Variants in GOLM2 observed in about 807,000 individuals in gnomAD.
GOLM2 encodes the protein protein GOLM2.
GOLM2 carries 26 observed loss-of-function variants against 55.9 expected under a neutral mutation model. The observed-to-expected ratio is 0.47, with a 90% confidence interval of 0.34 to 0.65. GOLM2 has a LOEUF of 0.65. Ranked by LOEUF, GOLM2 falls within the 30% of genes least tolerant of loss-of-function variation. GOLM2 has a pLI of 0.01. For synonymous variants in GOLM2, 165 were observed against 194.6 expected, an observed-to-expected ratio of 0.85 and a Z score of 1.27; for missense variants, 486 against 531.8, an observed-to-expected ratio of 0.91 and a Z score of 0.85.
At chr15:44,314,635 T>C (rs1443185667) in intron 1 of GOLM2, among the ~76,000 whole-genome samples, 1 of 152,114 alleles carries the variant, frequency 6.6e-6, no homozygotes, top group Non-Finnish European at 1.5e-5. Context: ...CAGTAATTCA[T>C]TAACAGATAA....
intron 1 of GOLM2, among the ~76,000 whole-genome samples, chr15:44,305,037 T>A (rs1055038491): frequency 6.6e-6 from 1 of 152,186 alleles, no homozygotes. Context: ...CAGTCTCTGT[T>A]GCCCAGGCTG....
At chr15:44,331,229 C>A (rs1377027579) in intron 3 of GOLM2, among the ~76,000 whole-genome samples, 1 of 152,112 alleles carries the variant, frequency 6.6e-6, no homozygotes, top group Admixed American at 6.6e-5. Context: ...GTTGGCCAGA[C>A]TGATCTCAAA....
intron 6 of GOLM2, among the ~76,000 whole-genome samples, chr15:44,342,790 A>T (rs959787922): frequency 6.6e-6 from 1 of 152,332 alleles, no homozygotes; most frequent in African/African-American, 2.4e-5. Flanking sequence ...GCTGCCTTGC[A>T]TATAGCAGGG....
intron 1 of GOLM2, among the ~76,000 whole-genome samples, chr15:44,296,789 A>G (rs976246602): frequency 6.6e-6 from 1 of 151,986 alleles, no homozygotes; most frequent in Non-Finnish European, 1.5e-5. Flanking sequence ...TTCCTGGTTC[A>G]TTTCCAGTTA....
chr15:44,358,435 C>T (rs770529238), intron 6 of GOLM2, among the ~76,000 whole-genome samples: 13 of 152,100 alleles, frequency 8.5e-5, no homozygotes, highest in Middle Eastern at 6.8e-3. Context: ...AAAAGTTGGA[C>T]GACTGATGCT....
At chr15:44,310,353 T>C (rs12595484) in intron 1 of GOLM2, among the ~76,000 whole-genome samples, 7,798 of 151,300 alleles carry the variant, frequency 0.052, 323 homozygotes, top group East Asian at 0.19. Context: ...CTAAAAAGAC[T>C]TGGAAAGGCT....
chr15:44,394,552 G>A (rs1450732669), intron 8 of GOLM2, among the ~76,000 whole-genome samples: 1 of 152,146 alleles, frequency 6.6e-6, no homozygotes, highest in Non-Finnish European at 1.5e-5. Context: ...TATATGCAGG[G>A]CCTATATCCC....
intron 6 of GOLM2, among the ~76,000 whole-genome samples, chr15:44,374,029 G>A (rs2079348158): frequency 6.6e-6 from 1 of 151,736 alleles, no homozygotes; most frequent in African/African-American, 2.4e-5. Flanking sequence ...TGAACCCACG[G>A]GGCTGAGGTT....
chr15:44,364,965 G>T (rs1249189463), intron 6 of GOLM2, among the ~76,000 whole-genome samples: 1 of 152,160 alleles, frequency 6.6e-6, no homozygotes, highest in African/African-American at 2.4e-5. Context: ...AACTACTTGG[G>T]AAGGTAGTTG....
chr15:44,294,170 C>A (rs546453960), intron 1 of GOLM2, among the ~76,000 whole-genome samples: 1 of 152,184 alleles, frequency 6.6e-6, no homozygotes, highest in Non-Finnish European at 1.5e-5. Flanking sequence ...CCCTTTCTTA[C>A]TTTTTGGTAC....
chr15:44,292,817 GTTGT>G (rs1184853530), intron 1 of GOLM2, among the ~76,000 whole-genome samples: 1 of 151,882 alleles, frequency 6.6e-6, no homozygotes, highest in African/African-American at 2.4e-5. Context: ...TATTGTTATT[GTTGT>G]TTGTTTGTTT....
In GOLM2 at chr15:44,337,767, A is replaced by G. The variant is rs777413350; in HGVS notation, c.581A>G (p.Glu194Gly). Reference sequence around the variant, plus strand: ...TTACCAAATTTTGTCTAACAGCAAGAGACCCAAAAGATTCAATCAAATGAT... The same window carrying G: ...TTACCAAATTTTGTCTAACAGCAAGGGACCCAAAAGATTCAATCAAATGAT... ...ADQFLEEQKQ[E>G]TQKIQSNDGK... The change falls in exon 5 of 10, where the codon GAG becomes GGG. Residue 194 changes from glutamate (E) to glycine (G), a missense_variant. Coordinates refer to ENST00000299957, the MANE Select transcript of GOLM2 (RefSeq NM_138423.4). 6.4e-7 allele frequency: 1 copy of G among 1,571,956 alleles called. No individual in the cohort carries two copies. The highest frequency in any genetic ancestry group is 8.6e-7 in the Non-Finnish European group (1 of 1,167,830).
rs181672864 is a variant in GOLM2 at position 44,373,491 on chromosome 15, C to G, written c.803-6199C>G. Among the ~76,000 whole-genome samples, 778 of 150,306 alleles carry G rather than the reference C, an allele frequency of 5.2e-3. 2 individuals are homozygous for G. Among genetic ancestry groups the G allele is most frequent in the Non-Finnish European group, 7.8e-3 (526 of 67,736 alleles). ...ACAGTTTTGGCAGGGCACAGTGGCT[C>G]GCACCTGTAATCCCAGCACTTTGGA... On this transcript the variant is annotated intron_variant, in intron 6 of 9. Coordinates refer to ENST00000299957, the MANE Select transcript of GOLM2 (RefSeq NM_138423.4).
intron 6 of GOLM2, among the ~76,000 whole-genome samples, chr15:44,357,706 A>G (rs1180040939): frequency 2.0e-5 from 3 of 152,340 alleles, no homozygotes; most frequent in East Asian, 3.9e-4. Flanking sequence ...GAAAGGTTGC[A>G]GGATATAAGG....
intron 6 of GOLM2, among the ~76,000 whole-genome samples, chr15:44,361,351 T>C (rs1343878268): frequency 6.6e-6 from 1 of 152,144 alleles, no homozygotes; most frequent in African/African-American, 2.4e-5. Flanking sequence ...CAATAAAAAA[T>C]GATAAAGGGG....
At chr15:44,351,177 A>C (rs2079159949) in intron 6 of GOLM2, among the ~76,000 whole-genome samples, 1 of 152,122 alleles carries the variant, frequency 6.6e-6, no homozygotes, top group Admixed American at 6.6e-5. Flanking sequence ...AGAAAAGAGA[A>C]AGAAATAAAG....
chr15:44,402,545 T>C (rs906921096), intron 8 of GOLM2: 2 of 200,298 alleles, frequency 1.0e-5, no homozygotes, highest in African/African-American at 4.7e-5. Flanking sequence ...TAATTTATTC[T>C]CCTAAAGTGT....
chr15:44,321,286 A>G (rs2078946748), intron 1 of GOLM2, among the ~76,000 whole-genome samples: 1 of 152,074 alleles, frequency 6.6e-6, no homozygotes, highest in East Asian at 1.9e-4. Context: ...AGCCTGGACA[A>G]CATAGCAAGA....
rs939964609 is a variant in GOLM2 at position 44,288,782 on chromosome 15, C to G, written c.-248C>G. ...CTGGCAGCTGGGTTCTCCCGGTTCC[C>G]TTGGGCAGGTGCAGGGTCGGGTTCA... is the stretch of plus-strand genomic sequence containing the variant. On this transcript the variant is annotated 5_prime_UTR_variant, in exon 1 of 10. Coordinates refer to ENST00000299957, the MANE Select transcript of GOLM2 (RefSeq NM_138423.4). 14 of 525,948 alleles carry G rather than the reference C, an allele frequency of 2.7e-5. No homozygotes were observed. The highest frequency in any genetic ancestry group is 4.7e-5 in the Non-Finnish European group (14 of 299,692). The allele number at this position is 525,948 out of a possible 1,614,324, so 32.6% of individuals were successfully genotyped here.
Sources: gnomAD v4.1 joint callset for allele counts (sites outside exome capture counted in the v4.1 genomes callset) on GRCh38, gnomAD v4.1.1 for gene constraint, MANE v1.5 for transcripts, NCBI Gene and HGNC (gene_info 2026-07-23, HGNC 2026-07-21) for gene names.